ARFGEF1: variants seen among roughly 807,000 people sequenced by gnomAD.
ARFGEF1 encodes the protein ARF guanine nucleotide exchange factor 1, also known as brefeldin A-inhibited guanine nucleotide-exchange protein 1.
In ARFGEF1, 42 loss-of-function variants were observed where a neutral mutation model predicts 231.0. The ratio of observed to expected loss-of-function variants is 0.18; its 90% CI spans 0.14 to 0.24. The LOEUF is 0.24. Ranked by LOEUF, ARFGEF1 falls within the 10% of genes least tolerant of loss-of-function variation. The pLI, the probability that ARFGEF1 is intolerant of heterozygous loss-of-function variation, is 1.00. For synonymous variants in ARFGEF1, 710 were observed against 732.3 expected (o/e 0.97, Z 0.49); for missense variants, 1,345 against 2,192.0 (o/e 0.61, Z 7.72).
chr8:67,200,608 G>C, intron 37 of ARFGEF1, 95 bp from the exon 38 acceptor site: 2 of 749,634 alleles, frequency 2.7e-6, no homozygotes, highest in Non-Finnish European at 2.3e-6. Flanking sequence ...TAGTGAATAT[G>C]AACTATTCAA....
At chr8:67,268,163 G>GA (rs1170014287) in intron 10 of ARFGEF1, among the ~76,000 whole-genome samples, 1 of 152,108 alleles carries the variant, frequency 6.6e-6, no homozygotes, top group Admixed American at 6.6e-5. Flanking sequence ...TATGAACCCA[G>GA]AAAATCACAT....
intron 7 of ARFGEF1, among the ~76,000 whole-genome samples, chr8:67,284,418 C>T (rs1326625761): frequency 6.6e-6 from 1 of 151,944 alleles, no homozygotes; most frequent in Non-Finnish European, 1.5e-5. Context: ...TCCAAGTAAG[C>T]CTTTTATGTA....
intron 36 of ARFGEF1, among the ~76,000 whole-genome samples, chr8:67,202,083 G>A (rs978329330): frequency 6.6e-6 from 1 of 152,200 alleles, no homozygotes. Flanking sequence ...ACTCTTTCCA[G>A]AAGTTAGGTT....
intron 1 of ARFGEF1, among the ~76,000 whole-genome samples, chr8:67,315,699 T>C (rs1241159714): frequency 2.0e-5 from 3 of 152,048 alleles, no homozygotes; most frequent in Admixed American, 6.5e-5. Context: ...TTCCAAACAC[T>C]TGGAAATTAA....
At chr8:67,193,863 AG>A (rs1421441193), downstream of ARFGEF1, among the ~76,000 whole-genome samples, 5 of 152,250 alleles carry the variant, frequency 3.3e-5, no homozygotes, top group Admixed American at 1.3e-4. Context: ...AAACATATCC[AG>A]GCTTTGCTTT....
rs184321399 is a variant in ARFGEF1 at position 67,343,311 on chromosome 8, C to A, written c.-24G>T. ...ATGGACGCAGAGAAGGAGGCGGCGG[C>A]TCGTCCGACCCGCGGCTCCCAGCGG... On this transcript the variant is annotated 5_prime_UTR_variant, in exon 1 of 39. Coordinates refer to ENST00000262215, the MANE Select transcript of ARFGEF1 (RefSeq NM_006421.5). 6.2e-7 allele frequency: 1 copy of A among 1,609,940 alleles called. No individual in the cohort carries two copies. Among genetic ancestry groups the A allele is most frequent in the Non-Finnish European group, 8.5e-7 (1 of 1,177,294 alleles).
At chr8:67,190,697 C>G in intron 5 of ARFGEF1, 1 of 1,614,108 alleles carries the variant, frequency 6.2e-7, no homozygotes, top group Non-Finnish European at 8.5e-7. Flanking sequence ...CGTCCTCCCT[C>G]CACCATCACA....
chr8:67,312,657 T>C (rs1160447892), intron 1 of ARFGEF1, among the ~76,000 whole-genome samples: 1 of 152,172 alleles, frequency 6.6e-6, no homozygotes, highest in Non-Finnish European at 1.5e-5. Context: ...TGGAAACATA[T>C]AACACTATTC....
intron 9 of ARFGEF1, 123 bp downstream of exon 9, chr8:67,275,853 C>T: frequency 8.1e-7 from 1 of 1,233,132 alleles, no homozygotes; most frequent in Non-Finnish European, 1.1e-6. Context: ...ACCTCCCCTC[C>T]ACCCAATTTT....
At chr8:67,301,414 T>C in intron 2 of ARFGEF1, 34 bp from the exon 3 acceptor site, 1 of 1,576,814 alleles carries the variant, frequency 6.3e-7, no homozygotes, top group Non-Finnish European at 8.6e-7. Context: ...TTATAGCGTA[T>C]CACATTTATA....
At chr8:67,317,939 T>C (rs1402739999) in intron 1 of ARFGEF1, among the ~76,000 whole-genome samples, 1 of 135,762 alleles carries the variant, frequency 7.4e-6, no homozygotes, top group African/African-American at 2.7e-5. Context: ...TAATCTACCA[T>C]AGAAATAGGC....
chr8:67,206,114 A>T (rs1838505708), intron 34 of ARFGEF1, among the ~76,000 whole-genome samples: 1 of 152,028 alleles, frequency 6.6e-6, no homozygotes, highest in Non-Finnish European at 1.5e-5. Flanking sequence ...GAAGTCTATA[A>T]AAAGTTAAGC....
intron 14 of ARFGEF1, among the ~76,000 whole-genome samples, chr8:67,263,732 C>T (rs778916663): frequency 6.6e-6 from 1 of 152,142 alleles, no homozygotes; most frequent in Non-Finnish European, 1.5e-5. Context: ...AATCCCCCTA[C>T]CCCTAGAAGC....
At chr8:67,196,445 G>A (rs1837955805), downstream of ARFGEF1, among the ~76,000 whole-genome samples, 1 of 152,130 alleles carries the variant, frequency 6.6e-6, no homozygotes, top group African/African-American at 2.4e-5. Context: ...AAAGGAAAGA[G>A]TCATTCAAAT....
chr8:67,216,080 CAT>C (rs1838919128), intron 33 of ARFGEF1, among the ~76,000 whole-genome samples: 2 of 152,268 alleles, frequency 1.3e-5, no homozygotes, highest in South Asian at 4.1e-4. Flanking sequence ...AACAAAGACA[CAT>C]ATTAATTGTC....
chr8:67,331,662 T>C (rs1808105175), intron 1 of ARFGEF1, among the ~76,000 whole-genome samples: 2 of 152,050 alleles, frequency 1.3e-5, no homozygotes, highest in East Asian at 1.9e-4. Context: ...ATCAAATTCA[T>C]AGAAAATGAA....
intron 17 of ARFGEF1, among the ~76,000 whole-genome samples, chr8:67,257,190 C>T (rs79452892): frequency 0.013 from 1,970 of 152,154 alleles, 18 homozygotes; most frequent in Middle Eastern, 0.031. Context: ...AAGCGATCGT[C>T]CCACCTTAGC....
In ARFGEF1 at chr8:67,203,040, T is replaced by A. The variant is rs181167115; in HGVS notation, c.5128+43A>T. ...GAGACCTGTATGTACCTGTCCCACA[T>A]CCATCAACAGTAAACATTAAATGTG... On this transcript the variant is annotated intron_variant, in intron 36 of 38. Transcript: ENST00000262215. The A allele has an allele frequency of 6.4e-5, 101 of 1,579,448 alleles. No homozygotes were observed. In the East Asian group the frequency reaches 2.0e-3, roughly 32 times the overall value.
intron 20 of ARFGEF1, 79 bp downstream of exon 20, chr8:67,240,083 A>G: frequency 6.5e-7 from 1 of 1,537,112 alleles, no homozygotes; most frequent in East Asian, 2.3e-5. Flanking sequence ...CACATAAACA[A>G]TTATTGTAAT....
Sources: gnomAD v4.1 joint callset for allele counts (sites outside exome capture counted in the v4.1 genomes callset) on GRCh38, gnomAD v4.1.1 for gene constraint, MANE v1.5 for transcripts, NCBI Gene and HGNC (gene_info 2026-07-23, HGNC 2026-07-21) for gene names.